AGGF1: variants seen among roughly 807,000 people sequenced by gnomAD.
AGGF1 encodes angiogenic factor with G-patch and FHA domains 1.
Under a neutral mutation model 86.5 loss-of-function variants are expected in AGGF1, and 56 were observed. The observed-to-expected ratio is 0.65, with a 90% CI of 0.52 to 0.81. The LOEUF is 0.81. AGGF1 is among the 30% of genes least tolerant of loss of function. AGGF1 has a pLI of 0.00. For synonymous variants in AGGF1, 313 were observed against 297.1 expected, an observed-to-expected ratio of 1.05 and a Z score of -0.55; for missense variants, 816 against 850.9, an observed-to-expected ratio of 0.96 and a Z score of 0.51.
At chr5:77,045,041 G>T (rs1033131958) in intron 5 of AGGF1, among the ~76,000 whole-genome samples, 6 of 151,462 alleles carry the variant, frequency 4.0e-5, no homozygotes, top group Non-Finnish European at 5.9e-5. Context: ...CTCCAGCCTG[G>T]GCGACAGAGC....
chr5:77,050,748 G>A (rs1286634376), intron 8 of AGGF1, among the ~76,000 whole-genome samples: 1 of 152,022 alleles, frequency 6.6e-6, no homozygotes, highest in Non-Finnish European at 1.5e-5. Flanking sequence ...AGGCAGACTC[G>A]GACAGGCACA....
At chr5:77,059,865 G>A in intron 12 of AGGF1, 122 bp downstream of exon 12, 1 of 1,320,582 alleles carries the variant, frequency 7.6e-7, no homozygotes, top group South Asian at 1.2e-5. Flanking sequence ...TTTATGAGAT[G>A]GAGTCTTGCT....
chr5:77,061,967 T>C (rs1485688967), intron 13 of AGGF1, among the ~76,000 whole-genome samples, 165 bp downstream of exon 13: 1 of 152,226 alleles, frequency 6.6e-6, no homozygotes, highest in Non-Finnish European at 1.5e-5. Flanking sequence ...ATACATGTGC[T>C]TTGTTTTGTG....
chr5:77,057,782 A>G (rs1222816983), intron 11 of AGGF1, among the ~76,000 whole-genome samples: 1 of 152,186 alleles, frequency 6.6e-6, no homozygotes, highest in Non-Finnish European at 1.5e-5. Context: ...CCTCAGGGTT[A>G]TTTGACGCAC....
chr5:77,030,956 A>G lies in AGGF1; in HGVS notation c.190A>G (p.Asn64Asp). 6.2e-7 allele frequency: 1 copy of G among 1,612,574 alleles called. No individual in the cohort carries two copies. Among genetic ancestry groups the G allele is most frequent in the Non-Finnish European group, 8.5e-7 (1 of 1,179,958 alleles). The change falls in exon 1 of 14, where the codon AAC becomes GAC. Residue 64 changes from asparagine to aspartate, a missense_variant. Around this residue, in one of 3 missense-constraint regions of AGGF1, gnomAD observed 240 missense variants for 234.4 expected, o/e 1.02. Transcript: ENST00000312916. ...GCTGTACCAGAACGCAGAAAGCAAC[A>G]ACCAGGAGCTCCGCACGCAGGTGCG... ...ERLYQNAESN[N>D]QELRTQVEEL...
intron 5 of AGGF1, among the ~76,000 whole-genome samples, chr5:77,045,435 AATAC>A (rs1747228450): frequency 1.3e-5 from 2 of 151,290 alleles, no homozygotes; most frequent in Admixed American, 1.3e-4. Flanking sequence ...ACATGATAAA[AATAC>A]ATCATTTTTG....
chr5:77,052,519 A>G (rs1178526746), intron 8 of AGGF1, among the ~76,000 whole-genome samples, 187 bp from the exon 9 acceptor site: 1 of 152,340 alleles, frequency 6.6e-6, no homozygotes, highest in South Asian at 2.1e-4. Flanking sequence ...AGATTTATAG[A>G]TGACATTTTC....
intron 5 of AGGF1, among the ~76,000 whole-genome samples, chr5:77,042,433 C>CA (rs1747112564): frequency 9.1e-6 from 1 of 110,346 alleles, no homozygotes; most frequent in Non-Finnish European, 2.0e-5. Context: ...GCTGGCTGGG[C>CA]GGGGGGGCTG....
At chr5:77,042,413 G>A (rs1325102891) in intron 5 of AGGF1, among the ~76,000 whole-genome samples, 85 of 125,722 alleles carry the variant, frequency 6.8e-4, no homozygotes, top group African/African-American at 2.3e-3. Context: ...CTCACCTCCC[G>A]GACAGGGCGG....
At chr5:77,051,794 C>A (rs970833888) in intron 8 of AGGF1, among the ~76,000 whole-genome samples, 1 of 152,116 alleles carries the variant, frequency 6.6e-6, no homozygotes, top group African/African-American at 2.4e-5. Context: ...TGGAAAAAAA[C>A]CCTGAATGTC....
At chr5:77,051,616 C>T (rs903266604) in intron 8 of AGGF1, among the ~76,000 whole-genome samples, 3 of 152,150 alleles carry the variant, frequency 2.0e-5, no homozygotes, top group Admixed American at 1.3e-4. Flanking sequence ...TGAATTGATA[C>T]AACCACTTTG....
Position 77,034,446 on chromosome 5 carries a change from G to A in AGGF1, c.239G>A (p.Arg80His), listed in dbSNP as rs772593663. 26 of 1,613,148 alleles carry A rather than the reference G, an allele frequency of 1.6e-5. No homozygotes were observed. Among genetic ancestry groups the A allele is most frequent in the African/African-American group, 9.3e-5 (7 of 74,988 alleles). ...QVEELSKILQ[R>H]GRNEDNKKSD... is the part of the protein sequence containing the mutation. ...GAAGAACTCAGTAAAATACTCCAAC[G>A]TGGGAGAAATGAAGATAATAAAAAG... The change falls in exon 2 of 14, where the codon CGT becomes CAT. Residue 80 changes from arginine (R) to histidine (H), a missense_variant. Arg to His is a conservative substitution (Grantham distance 29). This residue lies in a region of AGGF1 where 240 missense variants were observed against 234.4 expected (regional missense o/e 1.02). Coordinates refer to ENST00000312916, the MANE Select transcript of AGGF1 (RefSeq NM_018046.5).
At chr5:77,040,610 G>A (rs1011695817) in intron 5 of AGGF1, among the ~76,000 whole-genome samples, 6 of 152,158 alleles carry the variant, frequency 3.9e-5, no homozygotes, top group Non-Finnish European at 7.3e-5. Context: ...TGCTTATGAT[G>A]ATGCAATGTT....
In AGGF1 at chr5:77,036,580, G is replaced by C. The variant is rs2150727482; in HGVS notation, c.541G>C (p.Glu181Gln). The C allele has an allele frequency of 1.2e-6, 2 of 1,614,114 alleles. No homozygotes were observed. The highest frequency in any genetic ancestry group is 4.5e-5 in the East Asian group (2 of 44,880). ...SQEPASALAT[E>Q]DTSLEGSSLA... ...GGAGCCAGCATCTGCATTAGCAACA[G>C]AAGATACCTCCTTAGAAGGCTCATC... Residue 181 changes from glutamate to glutamine, a missense_variant, in exon 4 of 14, where the codon GAA becomes CAA. This residue lies in a region of AGGF1 where 240 missense variants were observed against 234.4 expected (regional missense o/e 1.02). Transcript: ENST00000312916.
At chr5:77,036,192 C>T in intron 3 of AGGF1, 1 of 266,110 alleles carries the variant, frequency 3.8e-6, no homozygotes, top group Non-Finnish European at 7.2e-6. Context: ...CAGTTTTCTC[C>T]TTCATTTGTC....
At chr5:77,035,378 C>A (rs1257824909) in intron 2 of AGGF1, among the ~76,000 whole-genome samples, 163 bp from the exon 3 acceptor site, 2 of 151,906 alleles carry the variant, frequency 1.3e-5, no homozygotes, top group East Asian at 1.9e-4. Context: ...GCAGATTTAT[C>A]TGTGCCATCT....
intron 5 of AGGF1, among the ~76,000 whole-genome samples, chr5:77,043,591 C>CA (rs1335860166): frequency 1.6e-5 from 2 of 126,688 alleles, no homozygotes; most frequent in African/African-American, 2.7e-5. Flanking sequence ...GGGCTGACCC[C>CA]CCCCCCCCCG....
At chr5:77,050,142 A>T (rs139517569) in intron 8 of AGGF1, among the ~76,000 whole-genome samples, 55 of 152,102 alleles carry the variant, frequency 3.6e-4, no homozygotes, top group African/African-American at 1.3e-3. Context: ...TAAGCAGATT[A>T]TGTTGCTTTT....
chr5:77,032,563 C>CAAA lies in AGGF1; in HGVS notation c.210+1608_210+1610dup, dbSNP rs4025997. ...TGGGCGACAAAGCAAGACTCCGTCT[C>CAAA]AAAAAAAAAAAAAAAAAAAAAAATG... On this transcript the variant is annotated intron_variant, in intron 1 of 13. Transcript: ENST00000312916. Among the ~76,000 whole-genome samples the CAAA allele has an allele frequency of 2.1e-3, 194 of 93,824 alleles. 3 individuals are homozygous for CAAA. The highest frequency in any genetic ancestry group is 0.011 in the East Asian group (36 of 3,340). The allele number at this position is 93,824 out of a possible 152,430, so 61.6% of individuals were successfully genotyped here. A position where few individuals can be genotyped will look rare whatever the true frequency, so the allele number is the denominator to read the frequency against.
Sources: gnomAD v4.1 joint callset for allele counts (sites outside exome capture counted in the v4.1 genomes callset) on GRCh38, gnomAD v4.1.1 for gene constraint, gnomAD v4.1.1 regional missense constraint, MANE v1.5 for transcripts, NCBI Gene and HGNC (gene_info 2026-07-23, HGNC 2026-07-21) for gene names.